OPHN1: variants seen among roughly 807,000 people sequenced by gnomAD.
OPHN1 encodes oligophrenin 1.
OPHN1 carries 11 observed loss-of-function variants against 60.7 expected under a neutral mutation model. The ratio of observed to expected loss-of-function variants is 0.18; its 90% CI spans 0.11 to 0.30. The LOEUF (loss-of-function observed/expected upper bound fraction) is 0.30, where lower values mean the gene tolerates loss of function less well. Among genes scored for constraint, OPHN1 ranks in the 10% least tolerant of loss-of-function variants. OPHN1 has a pLI of 1.00. For synonymous variants in OPHN1, 226 were observed against 222.6 expected (o/e 1.02, Z -0.14); for missense variants, 449 against 611.0 (o/e 0.73, Z 2.80).
intron 15 of OPHN1, among the ~76,000 whole-genome samples, chrX:68,141,912 GA>G (rs1469446386): frequency 6.9e-4 from 5 of 7,208 alleles, no homozygotes; most frequent in Non-Finnish European, 3.2e-3. Context: ...ATTAAAGAAA[GA>G]AAGAAAGAAA....
At chrX:68,269,314 A>AT (rs762994022) in intron 5 of OPHN1, among the ~76,000 whole-genome samples, 1 of 111,860 alleles carries the variant, frequency 8.9e-6, no homozygotes, top group South Asian at 3.8e-4. Context: ...AGCTGGAGGC[A>AT]TCATGCTACC....
At chrX:68,269,248 A>G (rs1038685556) in intron 5 of OPHN1, among the ~76,000 whole-genome samples, 1 of 111,775 alleles carries the variant, frequency 8.9e-6, no homozygotes, top group Admixed American at 9.5e-5. Context: ...TTTGAAGTTC[A>G]TATGGAACCA....
chrX:68,294,168 A>G (rs1851803865), intron 3 of OPHN1, among the ~76,000 whole-genome samples: 2 of 110,652 alleles, frequency 1.8e-5, no homozygotes, highest in Admixed American at 1.9e-4. Context: ...CATATAAGGG[A>G]TCCTGAGAAA....
At chrX:68,165,871 T>C (rs1316517306) in intron 15 of OPHN1, among the ~76,000 whole-genome samples, 2 of 112,382 alleles carry the variant, frequency 1.8e-5, no homozygotes, top group Non-Finnish European at 3.8e-5. Context: ...GAAAGACATA[T>C]AAATCAGTAT....
chrX:68,292,833 T>C (rs1012032585), intron 3 of OPHN1, among the ~76,000 whole-genome samples: 2 of 111,945 alleles, frequency 1.8e-5, no homozygotes, highest in Non-Finnish European at 3.8e-5. Flanking sequence ...GCCCAATAAC[T>C]TGATATAAAC....
chrX:68,089,845 A>G (rs1453937153), intron 19 of OPHN1, among the ~76,000 whole-genome samples: 2 of 111,979 alleles, frequency 1.8e-5, no homozygotes, highest in African/African-American at 3.2e-5. Context: ...AATGTGTGAA[A>G]GACCTCCACT....
At chrX:68,093,269 C>A (rs952959773) in intron 19 of OPHN1, among the ~76,000 whole-genome samples, 2 of 111,511 alleles carry the variant, frequency 1.8e-5, no homozygotes, top group Non-Finnish European at 1.9e-5. Flanking sequence ...TACTCCATGA[C>A]CCTGGACAAG....
chrX:68,113,034 C>T, intron 17 of OPHN1, 147 bp downstream of exon 17: 2 of 464,648 alleles, frequency 4.3e-6, no homozygotes, highest in Non-Finnish European at 7.5e-6. Flanking sequence ...AGCAAGAATA[C>T]TTTCATTTGG....
chrX:68,397,516 A>G (rs866198193), intron 2 of OPHN1, among the ~76,000 whole-genome samples: 2 of 16,412 alleles, frequency 1.2e-4, no homozygotes, highest in Non-Finnish European at 2.3e-4. Flanking sequence ...TCTTTTATTT[A>G]TTTATTTATT....
chrX:68,237,922 T>C (rs2077760827), intron 5 of OPHN1, among the ~76,000 whole-genome samples: 1 of 112,326 alleles, frequency 8.9e-6, no homozygotes, highest in Non-Finnish European at 1.9e-5. Flanking sequence ...TAGACATCCT[T>C]ATTTTGTTCT....
At chrX:68,127,808 C>G (rs3886762) in intron 15 of OPHN1, among the ~76,000 whole-genome samples, 25,262 of 110,735 alleles carry the variant, frequency 0.23, 3,229 homozygotes, top group African/African-American at 0.45. Flanking sequence ...TTAAAAATGA[C>G]AATACCCACA....
intron 10 of OPHN1, among the ~76,000 whole-genome samples, chrX:68,205,971 T>TGTGA (rs1238651197): frequency 7.9e-5 from 4 of 50,820 alleles, no homozygotes; most frequent in Middle Eastern, 8.8e-3. Context: ...TGTGTGTGAG[T>TGTGA]GTGTGTGAGT....
upstream of OPHN1, chrX:68,433,610 C>T (rs972228515): frequency 6.8e-6 from 2 of 296,251 alleles, no homozygotes; most frequent in Non-Finnish European, 1.2e-5. Context: ...CTGGCTCCTT[C>T]CTCAACTGTT....
rs182416894 is a variant in OPHN1 at position 68,177,031 on chromosome X, G to A, written c.1276+15888C>T. Among the ~76,000 whole-genome samples, 15 of 105,764 alleles carry A rather than the reference G, an allele frequency of 1.4e-4. No individual in the cohort carries two copies. In the East Asian group the frequency reaches 3.8e-3, roughly 27 times the overall value. 91.8% of individuals were successfully genotyped at this position (105,764 alleles called of 115,157 possible). On this transcript the variant is annotated intron_variant, in intron 15 of 24. Coordinates refer to ENST00000355520, the MANE Select transcript of OPHN1 (RefSeq NM_002547.3). ...AGACACACACAGTGGAATATTATTCGGCCTTTAAAATGAAGGAAATTCTAA... is the reference window on the plus strand; with the variant it reads ...AGACACACACAGTGGAATATTATTCAGCCTTTAAAATGAAGGAAATTCTAA...
At chrX:68,257,533 T>C (rs917142663) in intron 5 of OPHN1, among the ~76,000 whole-genome samples, 1 of 111,342 alleles carries the variant, frequency 9.0e-6, no homozygotes, top group Non-Finnish European at 1.9e-5. Context: ...CAGGGTACTG[T>C]AAAAATTAGA....
At chrX:68,190,510 T>C (rs1262495509) in intron 15 of OPHN1, among the ~76,000 whole-genome samples, 4 of 112,119 alleles carry the variant, frequency 3.6e-5, no homozygotes, top group Non-Finnish European at 7.5e-5. Context: ...ATATTTTAGA[T>C]ATTCCTATGA....
intron 15 of OPHN1, among the ~76,000 whole-genome samples, chrX:68,159,357 C>A (rs138716844): frequency 9.0e-6 from 1 of 111,714 alleles, no homozygotes; most frequent in African/African-American, 3.3e-5. Flanking sequence ...GCCTCAAAGA[C>A]TATTCCTGCA....
intron 20 of OPHN1, chrX:68,071,503 A>G (rs2076934454): frequency 1.4e-6 from 1 of 729,322 alleles, no homozygotes; most frequent in Non-Finnish European, 2.2e-6. Flanking sequence ...ATCCTTGCCC[A>G]GCAGAGATTT....
chrX:68,188,300 C>A, intron 15 of OPHN1, among the ~76,000 whole-genome samples: 1 of 112,031 alleles, frequency 8.9e-6, no homozygotes, highest in South Asian at 3.7e-4. Flanking sequence ...AACTTTATTT[C>A]TAAAAGTTTT....
Sources: gnomAD v4.1 joint callset for allele counts (sites outside exome capture counted in the v4.1 genomes callset) on GRCh38, gnomAD v4.1.1 for gene constraint, MANE v1.5 for transcripts, NCBI Gene and HGNC (gene_info 2026-07-23, HGNC 2026-07-21) for gene names.